Variants in ZNF626 observed in about 807,000 individuals in gnomAD.
ZNF626 encodes zinc finger protein 626, also known as CTC-513N18.7.
In ZNF626, 4 loss-of-function variants were observed where a neutral mutation model predicts 11.7. The observed-to-expected ratio is 0.34, with a 90% CI of 0.17 to 0.78. The LOEUF is 0.78. Among genes scored for constraint, ZNF626 ranks in the 30% least tolerant of loss-of-function variants. The pLI, the probability that ZNF626 is intolerant of heterozygous loss-of-function variation, is 0.57. For synonymous variants in ZNF626, 179 were observed against 198.6 expected (o/e 0.90, Z 0.83); for missense variants, 588 against 587.1 (o/e 1.00, Z -0.01).
At chr19:20,630,230 C>A (rs1405957790) in intron 3 of ZNF626, among the ~76,000 whole-genome samples, 2 of 152,054 alleles carry the variant, frequency 1.3e-5, no homozygotes, top group Non-Finnish European at 2.9e-5. Flanking sequence ...GGATATTGGT[C>A]GAAAATTCTC....
Position 20,625,261 on chromosome 19 carries a change from A to G in ZNF626, c.616T>C (p.Cys206Arg). The G allele has an allele frequency of 1.2e-6, 2 of 1,613,856 alleles. No individual in the cohort carries two copies. The highest frequency in any genetic ancestry group is 1.7e-6 in the Non-Finnish European group (2 of 1,179,992). Residue 206 changes from cysteine (C) to arginine (R), a missense_variant, in exon 4 of 4, where the codon TGT (cysteine) becomes CGT (arginine). By Grantham distance (180) the Cys-to-Arg change is radical. Around this residue, in one of 4 missense-constraint regions of ZNF626, gnomAD observed 524 missense variants for 470.1 expected, o/e 1.11. Coordinates refer to ENST00000601440, the MANE Select transcript of ZNF626 (RefSeq NM_001076675.3). ...CAAGAGTGGTTAAAGGCTTTGCCAC[A>G]TTCTTCACATTTGTAGGGTTTCCCT... ...TGGKPYKCEECGKAFNHSCSL... is the reference protein window; with the variant it reads ...TGGKPYKCEERGKAFNHSCSL...
chr19:20,652,262 A>G (rs2144790884), intron 1 of ZNF626, among the ~76,000 whole-genome samples: 1 of 150,754 alleles, frequency 6.6e-6, no homozygotes, highest in South Asian at 2.1e-4. Flanking sequence ...CCCCCCATAG[A>G]GGCTGCTCTA....
chr19:20,650,300 T>C (rs1599485671), intron 1 of ZNF626, among the ~76,000 whole-genome samples: 3 of 151,740 alleles, frequency 2.0e-5, no homozygotes, highest in South Asian at 4.1e-4. Context: ...GAAAGAAATA[T>C]GGAAGGCAAG....
At position 20,661,453 on chromosome 19, in the gene ZNF626, C is replaced by T. The variant is rs1599491452; in HGVS notation, c.-7G>A. ...GGACCCTCACTCTCACCATTTTTGGCTTCCAGGAGGTCCCGGTGTCTTAGC... is the reference window on the plus strand; with the variant it reads ...GGACCCTCACTCTCACCATTTTTGGTTTCCAGGAGGTCCCGGTGTCTTAGC... On this transcript the variant is annotated 5_prime_UTR_variant, in exon 1 of 4. Transcript: ENST00000601440. 6.2e-7 allele frequency: 1 copy of T among 1,613,866 alleles called. No homozygotes were observed. Among genetic ancestry groups the T allele is most frequent in the Non-Finnish European group, 8.5e-7 (1 of 1,179,808 alleles).
chr19:20,647,430 T>C (rs1970092128), intron 1 of ZNF626, among the ~76,000 whole-genome samples: 1 of 151,674 alleles, frequency 6.6e-6, no homozygotes, highest in Non-Finnish European at 1.5e-5. Flanking sequence ...CCAGAGATCT[T>C]TAACCAATTA....
chr19:20,658,552 A>G (rs183615204), intron 1 of ZNF626, among the ~76,000 whole-genome samples: 93 of 152,286 alleles, frequency 6.1e-4, no homozygotes, highest in African/African-American at 1.9e-3. Context: ...CCCTGGAAGA[A>G]GACCTTAAAT....
intron 3 of ZNF626, among the ~76,000 whole-genome samples, chr19:20,641,965 T>C (rs1555771514): frequency 6.6e-6 from 1 of 152,108 alleles, no homozygotes. Flanking sequence ...ATTAATCTTT[T>C]TGAAAATTAC....
chr19:20,657,379 TA>T (rs1357115744), intron 1 of ZNF626, among the ~76,000 whole-genome samples: 1 of 151,178 alleles, frequency 6.6e-6, no homozygotes, highest in African/African-American at 2.4e-5. Context: ...TCTCCAAAAA[TA>T]AAATAAAATA....
chr19:20,625,695 G>A, intron 3 of ZNF626, 45 bp from the exon 4 acceptor site: 2 of 1,486,618 alleles, frequency 1.3e-6, no homozygotes, highest in African/African-American at 1.4e-5. Flanking sequence ...GGTAGACTCA[G>A]ATAAATATAA....
chr19:20,644,657 G>A (rs1555771731), intron 3 of ZNF626: 1 of 152,140 alleles, frequency 6.6e-6, no homozygotes, highest in Non-Finnish European at 1.5e-5. Flanking sequence ...CTGGAAGTAT[G>A]GGCAGAAGAA....
intron 1 of ZNF626, among the ~76,000 whole-genome samples, chr19:20,658,582 T>G (rs1312697581): frequency 6.6e-6 from 1 of 152,192 alleles, no homozygotes; most frequent in Non-Finnish European, 1.5e-5. Flanking sequence ...ACAGGCAGTG[T>G]GACAGCCTGT....
At chr19:20,649,419 G>A (rs898597156) in intron 1 of ZNF626, among the ~76,000 whole-genome samples, 13 of 152,066 alleles carry the variant, frequency 8.5e-5, no homozygotes, top group African/African-American at 3.1e-4. Context: ...ATGGAAATAA[G>A]CGCCACACTG....
rs146147951 is a variant in ZNF626 at position 20,649,918 on chromosome 19, G to A, written c.4-3513C>T. ...CTCTTGTCACAACCAAATACTTCTC[G>A]TACAAATAAGGACAACCCATCTCCA... On this transcript the variant is annotated intron_variant, in intron 1 of 3. Coordinates refer to ENST00000601440, the MANE Select transcript of ZNF626 (RefSeq NM_001076675.3). Among the ~76,000 whole-genome samples the A allele has an allele frequency of 3.2e-3, 489 of 152,256 alleles. 6 individuals are homozygous for A. Among genetic ancestry groups the A allele is most frequent in the Non-Finnish European group, 5.6e-3 (380 of 68,028 alleles).
chr19:20,626,970 G>A (rs998295884), intron 3 of ZNF626, among the ~76,000 whole-genome samples: 3 of 152,052 alleles, frequency 2.0e-5, no homozygotes, highest in South Asian at 2.1e-4. Context: ...AGCTGAGATG[G>A]CGCCACTGCA....
At chr19:20,659,720 A>ATTTT (rs34827728) in intron 1 of ZNF626, among the ~76,000 whole-genome samples, 1 of 149,930 alleles carries the variant, frequency 6.7e-6, no homozygotes, top group African/African-American at 2.4e-5. Flanking sequence ...TTAGGAATTC[A>ATTTT]TTTTTTTTTT....
chr19:20,633,885 C>T (rs925376569), intron 3 of ZNF626, among the ~76,000 whole-genome samples: 2 of 152,194 alleles, frequency 1.3e-5, no homozygotes, highest in East Asian at 1.9e-4. Flanking sequence ...ATATCGCTCA[C>T]GTTGGGAGCT....
intron 3 of ZNF626, among the ~76,000 whole-genome samples, chr19:20,635,999 G>C (rs966426846): frequency 5.9e-5 from 9 of 152,124 alleles, no homozygotes; most frequent in South Asian, 2.1e-4. Context: ...GGGTGTGGTG[G>C]CACATTCCTG....
intron 1 of ZNF626, among the ~76,000 whole-genome samples, chr19:20,658,880 A>C (rs1970233921): frequency 6.6e-6 from 1 of 152,176 alleles, no homozygotes; most frequent in South Asian, 2.1e-4. Context: ...GAGGACTCCC[A>C]AAACCTCCCT....
At chr19:20,646,062 A>C (rs769432853) in intron 2 of ZNF626, among the ~76,000 whole-genome samples, 1 of 152,202 alleles carries the variant, frequency 6.6e-6, no homozygotes, top group Non-Finnish European at 1.5e-5. Context: ...CCACTAATTT[A>C]GAGTGAAAAA....
Sources: allele counts gnomAD v4.1 joint callset (sites outside exome capture counted in the v4.1 genomes callset), GRCh38; gene constraint gnomAD v4.1.1; regional missense constraint gnomAD v4.1.1; transcripts MANE v1.5; gene names NCBI Gene and HGNC (gene_info 2026-07-23, HGNC 2026-07-21).